GASK1A: variants seen among roughly 807,000 people sequenced by gnomAD.
The protein encoded by GASK1A is Golgi-associated kinase 1A.
GASK1A carries 40 observed loss-of-function variants against 41.2 expected under a neutral mutation model. The ratio of observed to expected loss-of-function variants is 0.97; its 90% CI spans 0.75 to 1.27. The LOEUF (loss-of-function observed/expected upper bound fraction) is 1.27, where lower values mean the gene tolerates loss of function less well. GASK1A is among the 50% of genes most tolerant of loss of function. GASK1A has a pLI of 0.00. For missense variants in GASK1A, 678 were observed against 745.1 expected (o/e 0.91, Z 1.05); for synonymous variants, 316 against 307.1 (o/e 1.03, Z -0.30).
chr3:43,019,136 G>T (rs1048659505), intron 1 of GASK1A, among the ~76,000 whole-genome samples: 5 of 152,234 alleles, frequency 3.3e-5, no homozygotes, highest in Non-Finnish European at 7.3e-5. Flanking sequence ...ATCAATGTTA[G>T]TTATCATTCT....
chr3:43,011,121 C>T (rs562294478), intron 1 of GASK1A, among the ~76,000 whole-genome samples: 21 of 152,290 alleles, frequency 1.4e-4, no homozygotes, highest in African/African-American at 2.6e-4. Flanking sequence ...TGGTGACTCA[C>T]GCCTGTAATC....
chr3:42,997,097 C>G (rs1408041619), intron 1 of GASK1A, among the ~76,000 whole-genome samples: 1 of 152,238 alleles, frequency 6.6e-6, no homozygotes, highest in African/African-American at 2.4e-5. Flanking sequence ...CCGAGGGGCC[C>G]TGTGATGAGC....
At chr3:42,992,221 TGTC>T (rs1253907256) in intron 1 of GASK1A, among the ~76,000 whole-genome samples, 2 of 151,986 alleles carry the variant, frequency 1.3e-5, no homozygotes, top group Admixed American at 1.3e-4. Context: ...AGACTGTAAT[TGTC>T]GTAATATCTT....
In GASK1A at chr3:42,979,345, G is replaced by T; in HGVS notation, c.-298G>T. 2.7e-6 allele frequency: 1 copy of T among 366,730 alleles called. No individual in the cohort carries two copies. The highest frequency in any genetic ancestry group is 4.8e-6 in the Non-Finnish European group (1 of 206,288). 22.7% of individuals were successfully genotyped at this position (366,730 alleles called of 1,614,324 possible). Reference sequence around the variant, plus strand: ...ACTCTGCAAAAGTCCCGAGTAGACCGCAGAGGCTCGCGGCCGCGGGTAGGC... The same window carrying T: ...ACTCTGCAAAAGTCCCGAGTAGACCTCAGAGGCTCGCGGCCGCGGGTAGGC... On this transcript the variant is annotated 5_prime_UTR_variant, in exon 1 of 5. Transcript: ENST00000430121.
At chr3:43,036,049 T>C (rs539503644) in intron 2 of GASK1A, among the ~76,000 whole-genome samples, 27 of 152,332 alleles carry the variant, frequency 1.8e-4, no homozygotes, top group African/African-American at 6.5e-4. Context: ...AAAGCCCCAG[T>C]CCAGCTGATG....
intron 1 of GASK1A, among the ~76,000 whole-genome samples, chr3:42,991,533 A>T (rs1268041256): frequency 6.6e-6 from 1 of 152,220 alleles, no homozygotes; most frequent in Non-Finnish European, 1.5e-5. Context: ...ATAGCCATAG[A>T]GCAGCTGCAG....
At position 43,056,448 on chromosome 3, in the gene GASK1A, T is replaced by C; in HGVS notation, c.*62T>C. The stretch of plus-strand genomic sequence containing the variant: ...GATGGCCACATTTTCTTGGGCTCAC[T>C]CATCTTGAGGACAAATGGGAAAAGC... On this transcript the variant is annotated 3_prime_UTR_variant, in exon 5 of 5. Transcript: ENST00000430121. 1 of 1,386,280 alleles carries C rather than the reference T, an allele frequency of 7.2e-7. No individual in the cohort carries two copies. The highest frequency in any genetic ancestry group is 9.6e-7 in the Non-Finnish European group (1 of 1,038,740). The allele number at this position is 1,386,280 out of a possible 1,614,324, so 85.9% of individuals were successfully genotyped here.
intron 2 of GASK1A, among the ~76,000 whole-genome samples, chr3:43,037,779 A>G (rs1575448906): frequency 1.3e-5 from 2 of 152,172 alleles, no homozygotes; most frequent in East Asian, 3.8e-4. Flanking sequence ...AAGAAAACAA[A>G]TTTTGGCAGT....
intron 1 of GASK1A, among the ~76,000 whole-genome samples, chr3:42,999,179 A>G (rs1401776241): frequency 6.6e-6 from 1 of 152,014 alleles, no homozygotes. Flanking sequence ...TCTCATTTTG[A>G]TGGAACTGTC....
intron 1 of GASK1A, among the ~76,000 whole-genome samples, chr3:43,008,340 C>T (rs2089446779): frequency 6.6e-6 from 1 of 152,204 alleles, no homozygotes; most frequent in African/African-American, 2.4e-5. Context: ...ACCTCCACGC[C>T]TCCATGGTGC....
chr3:43,013,328 G>A (rs1056898948), intron 1 of GASK1A, among the ~76,000 whole-genome samples: 3 of 150,998 alleles, frequency 2.0e-5, no homozygotes, highest in Non-Finnish European at 4.4e-5. Flanking sequence ...GCAGTGAGAA[G>A]TCACAGAGGC....
intron 1 of GASK1A, among the ~76,000 whole-genome samples, chr3:42,992,425 T>G (rs1485829960): frequency 6.6e-6 from 1 of 152,210 alleles, no homozygotes. Flanking sequence ...GCACCTTGCG[T>G]AACAGTCAGC....
chr3:42,986,155 C>T (rs1187275829), intron 1 of GASK1A, among the ~76,000 whole-genome samples: 2 of 152,172 alleles, frequency 1.3e-5, no homozygotes, highest in Non-Finnish European at 2.9e-5. Flanking sequence ...TAGAAAAGAA[C>T]CATAGATCCA....
At chr3:43,013,114 G>A (rs191353256) in intron 1 of GASK1A, among the ~76,000 whole-genome samples, 18 of 149,140 alleles carry the variant, frequency 1.2e-4, no homozygotes, top group Admixed American at 1.1e-3. Flanking sequence ...AAGAAGGAGT[G>A]TGTGAAGCCA....
chr3:43,038,497 T>G (rs1326976873), intron 2 of GASK1A, among the ~76,000 whole-genome samples: 3 of 152,178 alleles, frequency 2.0e-5, no homozygotes, highest in African/African-American at 7.2e-5. Context: ...ATATCAACAT[T>G]ACACTGGTGT....
chr3:42,984,869 A>G lies in GASK1A; in HGVS notation c.3+5224A>G, dbSNP rs1028173271. On this transcript the variant is annotated intron_variant, in intron 1 of 4. Coordinates refer to ENST00000430121, the MANE Select transcript of GASK1A (RefSeq NM_001129908.3). The surrounding 1 kb of genome is among the most constrained non-coding windows in gnomAD (Gnocchi z 4.2). ...GCCTTATCTACCAGGGAGTTGAGCT[A>G]GCACCATCACAGGCAGAGCTAGGTT... Among the ~76,000 whole-genome samples, 1 of 152,162 alleles carries G rather than the reference A, an allele frequency of 6.6e-6. No individual in the cohort carries two copies. Among genetic ancestry groups the G allele is most frequent in the African/African-American group, 2.4e-5 (1 of 41,430 alleles).
At chr3:43,017,795 G>A (rs2089500565) in intron 1 of GASK1A, among the ~76,000 whole-genome samples, 1 of 151,114 alleles carries the variant, frequency 6.6e-6, no homozygotes, top group African/African-American at 2.4e-5. Context: ...GTCTCAGGGA[G>A]GGATAGTGTG....
chr3:42,996,630 GT>G (rs1285723912), intron 1 of GASK1A, among the ~76,000 whole-genome samples: 2 of 152,256 alleles, frequency 1.3e-5, no homozygotes, highest in Non-Finnish European at 2.9e-5. Flanking sequence ...CCACAGTGGA[GT>G]TGGGATCAAT....
At chr3:42,983,724 A>G (rs2089293141) in intron 1 of GASK1A, among the ~76,000 whole-genome samples, 1 of 152,176 alleles carries the variant, frequency 6.6e-6, no homozygotes, top group South Asian at 2.1e-4. Flanking sequence ...CCTGTGGGAA[A>G]TTTGATCCCC....
Sources: gnomAD v4.1 joint callset for allele counts (sites outside exome capture counted in the v4.1 genomes callset) on GRCh38, gnomAD v4.1.1 for gene constraint, Gnocchi (gnomAD v3.1) non-coding constraint, MANE v1.5 for transcripts, NCBI Gene and HGNC (gene_info 2026-07-23, HGNC 2026-07-21) for gene names.